The following LRMDA variants were observed in gnomAD, a reference collection of about 807,000 sequenced individuals.
LRMDA encodes leucine rich melanocyte differentiation associated, also known as leucine-rich melanocyte differentiation-associated protein.
LRMDA carries 18 observed loss-of-function variants against 29.8 expected under a neutral mutation model. That is an observed-to-expected ratio of 0.60 (90% CI 0.42 to 0.90). The LOEUF (loss-of-function observed/expected upper bound fraction) is 0.90, where lower values mean the gene tolerates loss of function less well. Among genes scored for constraint, LRMDA ranks in the 40% least tolerant of loss-of-function variants. The pLI, the probability that LRMDA is intolerant of heterozygous loss-of-function variation, is 0.00. For missense variants in LRMDA, 273 were observed against 273.9 expected (o/e 1.00, Z 0.02); for synonymous variants, 125 against 109.4 (o/e 1.14, Z -0.89).
At chr10:75,502,842 TC>T (rs1845129233) in intron 2 of LRMDA, among the ~76,000 whole-genome samples, 1 of 152,218 alleles carries the variant, frequency 6.6e-6, no homozygotes, top group Non-Finnish European at 1.5e-5. Flanking sequence ...GGCACACTTC[TC>T]CTCCTTCTTG....
intron 5 of LRMDA, among the ~76,000 whole-genome samples, chr10:76,095,445 A>T (rs1215019669): frequency 6.6e-6 from 1 of 152,174 alleles, no homozygotes; most frequent in East Asian, 1.9e-4. Context: ...TTTGCATAGA[A>T]TTTTTGTGTG....
chr10:75,716,002 A>C (rs1478176445), intron 2 of LRMDA, among the ~76,000 whole-genome samples: 2 of 152,230 alleles, frequency 1.3e-5, no homozygotes, highest in African/African-American at 2.4e-5. Flanking sequence ...GAATGTTAGA[A>C]TCTATCAGTG....
At chr10:75,916,415 C>G (rs916120882) in intron 2 of LRMDA, among the ~76,000 whole-genome samples, 1 of 152,068 alleles carries the variant, frequency 6.6e-6, no homozygotes, top group Non-Finnish European at 1.5e-5. Context: ...GGTGAGGCAG[C>G]CCCTACCTGG....
intron 6 of LRMDA, among the ~76,000 whole-genome samples, chr10:76,374,837 A>G (rs567193957): frequency 6.6e-6 from 1 of 152,312 alleles, no homozygotes; most frequent in South Asian, 2.1e-4. Context: ...AATCATGGCA[A>G]TAAGATAATG....
At chr10:75,669,856 A>T (rs554042001) in intron 2 of LRMDA, among the ~76,000 whole-genome samples, 148 of 152,370 alleles carry the variant, frequency 9.7e-4, no homozygotes, top group Middle Eastern at 3.4e-3. Flanking sequence ...TATGGTTAGC[A>T]ATCCAAAGAC....
intron 2 of LRMDA, among the ~76,000 whole-genome samples, chr10:75,722,978 G>A (rs1473241949): frequency 6.6e-6 from 1 of 152,236 alleles, no homozygotes; most frequent in Non-Finnish European, 1.5e-5. Flanking sequence ...TTAGGAAACA[G>A]AGTTGCATCC....
chr10:76,256,510 C>T (rs1852596179), intron 5 of LRMDA, among the ~76,000 whole-genome samples: 1 of 152,142 alleles, frequency 6.6e-6, no homozygotes, highest in South Asian at 2.1e-4. Flanking sequence ...GCTCCAGGTA[C>T]AGACAATGAG....
intron 6 of LRMDA, among the ~76,000 whole-genome samples, chr10:76,373,038 A>G (rs923515046): frequency 5.3e-5 from 8 of 152,132 alleles, no homozygotes; most frequent in Admixed American, 4.6e-4. Context: ...ATCGAAGACC[A>G]TGTGGAATCT....
intron 5 of LRMDA, among the ~76,000 whole-genome samples, chr10:76,088,824 G>A (rs1450768461): frequency 6.6e-6 from 1 of 151,974 alleles, no homozygotes; most frequent in Admixed American, 6.6e-5. Context: ...CCATATTCTA[G>A]AATGAACAAT....
In LRMDA at chr10:75,952,603, T is replaced by C. The variant is rs528382635; in HGVS notation, c.132-83405T>C. On this transcript the variant is annotated intron_variant, in intron 2 of 6. Coordinates refer to ENST00000611255, the MANE Select transcript of LRMDA (RefSeq NM_001305581.2). ...AGTAGAGGCCTCACTAAGGGTATCA[T>C]GGCAGAAATAAGATCATTTATAGCA... Among the ~76,000 whole-genome samples, 23 of 152,312 alleles carry C rather than the reference T, an allele frequency of 1.5e-4. 2 individuals carry two copies. The highest frequency in any genetic ancestry group is 5.1e-4 in the African/African-American group (21 of 41,570).
intron 5 of LRMDA, among the ~76,000 whole-genome samples, chr10:76,152,368 G>A (rs1382284795): frequency 6.6e-6 from 1 of 151,776 alleles, no homozygotes; most frequent in Non-Finnish European, 1.5e-5. Context: ...CCTTTTTATG[G>A]GTAAATAATA....
intron 2 of LRMDA, among the ~76,000 whole-genome samples, chr10:76,023,032 T>C (rs1848001117): frequency 6.6e-6 from 1 of 152,202 alleles, no homozygotes; most frequent in African/African-American, 2.4e-5. Flanking sequence ...TCAGCCTTTC[T>C]GATCTCTTCA....
chr10:75,722,552 C>T (rs1247736652), intron 2 of LRMDA, among the ~76,000 whole-genome samples: 1 of 152,148 alleles, frequency 6.6e-6, no homozygotes, highest in Non-Finnish European at 1.5e-5. Flanking sequence ...CAGGGCTAAC[C>T]TCCGTGAATG....
At chr10:76,277,739 G>A (rs1840153257) in intron 5 of LRMDA, among the ~76,000 whole-genome samples, 1 of 152,138 alleles carries the variant, frequency 6.6e-6, no homozygotes, top group Non-Finnish European at 1.5e-5. Context: ...TACCCTCAAA[G>A]TTGCAGTTTG....
chr10:76,305,311 A>G (rs1330637758), intron 5 of LRMDA, among the ~76,000 whole-genome samples: 1 of 152,222 alleles, frequency 6.6e-6, no homozygotes, highest in Non-Finnish European at 1.5e-5. Flanking sequence ...AAGACAGTAG[A>G]TGGTAGAACG....
intron 2 of LRMDA, among the ~76,000 whole-genome samples, chr10:75,479,582 CTCAT>C (rs1263319791): frequency 6.6e-6 from 1 of 151,694 alleles, no homozygotes; most frequent in African/African-American, 2.4e-5. Flanking sequence ...GAAGGAGCCA[CTCAT>C]TCATTCATTC....
At chr10:76,038,232 T>A (rs1437919346) in intron 3 of LRMDA, among the ~76,000 whole-genome samples, 1 of 152,238 alleles carries the variant, frequency 6.6e-6, no homozygotes, top group East Asian at 1.9e-4. Context: ...TTCTCATTTT[T>A]AAAGAAATAT....
At chr10:75,690,002 C>T (rs1842125308) in intron 2 of LRMDA, among the ~76,000 whole-genome samples, 1 of 152,164 alleles carries the variant, frequency 6.6e-6, no homozygotes, top group South Asian at 2.1e-4. Flanking sequence ...TTTTCCTCTA[C>T]AACCTGCATG....
At chr10:75,692,249 C>CAT (rs1240764737) in intron 2 of LRMDA, among the ~76,000 whole-genome samples, 1 of 117,994 alleles carries the variant, frequency 8.5e-6, no homozygotes, top group East Asian at 2.3e-4. Flanking sequence ...TATATATATA[C>CAT]ATATATATAT....
Sources: allele counts gnomAD v4.1 joint callset (sites outside exome capture counted in the v4.1 genomes callset), GRCh38; gene constraint gnomAD v4.1.1; transcripts MANE v1.5; gene names NCBI Gene and HGNC (gene_info 2026-07-23, HGNC 2026-07-21).